The following LRGUK variants were observed in gnomAD, a reference collection of about 807,000 sequenced individuals.
LRGUK encodes leucine rich repeats and guanylate kinase domain containing, also known as leucine-rich repeat and guanylate kinase domain-containing protein.
A neutral mutation model predicts 76.0 loss-of-function variants in LRGUK; 65 were observed. The observed-to-expected ratio is 0.85, with a 90% CI of 0.70 to 1.05. The LOEUF is 1.05. LRGUK is among the 50% of genes least tolerant of loss of function. LRGUK has a pLI of 0.00. For missense variants in LRGUK, 758 were observed against 732.8 expected (o/e 1.03, Z -0.40); for synonymous variants, 268 against 265.6 (o/e 1.01, Z -0.09).
At chr7:134,131,934 A>G (rs1054878419) in intron 1 of LRGUK, among the ~76,000 whole-genome samples, 2 of 152,206 alleles carry the variant, frequency 1.3e-5, no homozygotes, top group African/African-American at 2.4e-5. Flanking sequence ...CCATAAAGGT[A>G]CAGATACCAA....
rs765422772 is a variant in LRGUK, at chr7:134,258,340, A to T, written c.2282A>T (p.Glu761Val). ...AAAGAATTGCCTTTCCAGCCTCCGGAGGGGAGCATTTCTTCACACCTAGGA... is the reference window on the plus strand; with the variant it reads ...AAAGAATTGCCTTTCCAGCCTCCGGTGGGGAGCATTTCTTCACACCTAGGA... The change falls in exon 19 of 20, where the codon GAG (glutamate) becomes GTG (valine). Residue 761 changes from glutamate to valine, a missense_variant. Transcript: ENST00000285928. The T allele has an allele frequency of 2.6e-5, 42 of 1,613,964 alleles. No individual in the cohort carries two copies. In the South Asian group the frequency reaches 4.6e-4, roughly 18 times the overall value.
At position 134,256,007 on chromosome 7, in the gene LRGUK, C is replaced by G. The variant is rs548976660; in HGVS notation, c.2199-2250C>G. Among the ~76,000 whole-genome samples, 34 of 152,222 alleles carry G rather than the reference C, an allele frequency of 2.2e-4. No homozygotes were observed. The Middle Eastern group carries it at 0.017, about 77-fold the overall frequency. Reference sequence around the variant, plus strand: ...ATCCAGAAACATGGGCCAAAACAAGCCCCCTGTCGCCTGTGTCAAAAGAGA... The same window carrying G: ...ATCCAGAAACATGGGCCAAAACAAGGCCCCTGTCGCCTGTGTCAAAAGAGA... On this transcript the variant is annotated intron_variant, in intron 18 of 19. Transcript: ENST00000285928.
At chr7:134,205,606 A>T in intron 15 of LRGUK, among the ~76,000 whole-genome samples, 1 of 152,248 alleles carries the variant, frequency 6.6e-6, no homozygotes, top group East Asian at 1.9e-4. Flanking sequence ...AAAGGAAGAA[A>T]TTGAAATAAA....
chr7:134,155,591 T>C (rs923965960), intron 5 of LRGUK, among the ~76,000 whole-genome samples: 27 of 152,182 alleles, frequency 1.8e-4, no homozygotes, highest in African/African-American at 5.8e-4. Flanking sequence ...CAGCCTTGAA[T>C]TTTCCATTTC....
At chr7:134,202,294 G>A (rs980758195) in intron 15 of LRGUK, among the ~76,000 whole-genome samples, 2 of 149,404 alleles carry the variant, frequency 1.3e-5, no homozygotes, top group Non-Finnish European at 3.0e-5. Context: ...ACAACTATTA[G>A]GATGGCTACT....
intron 3 of LRGUK, among the ~76,000 whole-genome samples, chr7:134,142,854 T>C (rs899686953): frequency 1.3e-5 from 2 of 152,230 alleles, no homozygotes; most frequent in African/African-American, 4.8e-5. Context: ...GGGAAGAGGA[T>C]TAAATTATTG....
chr7:134,267,231 C>T (rs181713100), downstream of LRGUK, among the ~76,000 whole-genome samples: 277 of 152,264 alleles, frequency 1.8e-3, 2 homozygotes, highest in African/African-American at 5.1e-3. Context: ...TGGACTACTA[C>T]GCAGCCATAA....
intron 7 of LRGUK, among the ~76,000 whole-genome samples, chr7:134,172,280 G>A (rs967063944): frequency 6.6e-6 from 1 of 152,034 alleles, no homozygotes; most frequent in Non-Finnish European, 1.5e-5. Flanking sequence ...TACTGATAAT[G>A]TTAGACTGAA....
chr7:134,172,951 C>A (rs1252172052), intron 7 of LRGUK, among the ~76,000 whole-genome samples: 1 of 151,970 alleles, frequency 6.6e-6, no homozygotes, highest in African/African-American at 2.4e-5. Flanking sequence ...CATACTACTG[C>A]ACCCCAGCAT....
intron 6 of LRGUK, 71 bp from the exon 7 acceptor site, chr7:134,163,326 A>G (rs146593955): frequency 3.5e-6 from 5 of 1,424,138 alleles, no homozygotes; most frequent in Admixed American, 2.0e-5. Flanking sequence ...AGTATCCCAA[A>G]TGAAAACTTG....
intron 15 of LRGUK, among the ~76,000 whole-genome samples, chr7:134,217,384 T>C (rs1412442865): frequency 1.3e-5 from 2 of 152,216 alleles, no homozygotes; most frequent in Non-Finnish European, 2.9e-5. Context: ...AATAACTAAT[T>C]ATTCCTTTGA....
At chr7:134,272,954 G>T in the LRGUK span, among the ~76,000 whole-genome samples, 7 of 152,024 alleles carry the variant, frequency 4.6e-5, no homozygotes, top group Non-Finnish European at 1.0e-4. Flanking sequence ...CCAACTTCAG[G>T]GGGTTGTGGG....
intron 15 of LRGUK, among the ~76,000 whole-genome samples, chr7:134,215,631 C>G (rs1311993978): frequency 6.6e-6 from 1 of 152,048 alleles, no homozygotes; most frequent in Non-Finnish European, 1.5e-5. Context: ...TGAGAACAAT[C>G]TTGATCAGCT....
downstream of LRGUK, among the ~76,000 whole-genome samples, chr7:134,266,741 A>T (rs1016424474): frequency 2.5e-4 from 38 of 152,172 alleles, no homozygotes; most frequent in South Asian, 6.2e-4. Flanking sequence ...ATTTTTTTTA[A>T]AAATGACCCG....
At chr7:134,130,380 A>C (rs983816797) in intron 1 of LRGUK, among the ~76,000 whole-genome samples, 5 of 151,956 alleles carry the variant, frequency 3.3e-5, no homozygotes, top group Non-Finnish European at 7.4e-5. Flanking sequence ...GTTCATTAGC[A>C]CCATTGTTAA....
chr7:134,160,428 A>G (rs1418761181), intron 6 of LRGUK, among the ~76,000 whole-genome samples: 3 of 152,206 alleles, frequency 2.0e-5, no homozygotes, highest in Non-Finnish European at 2.9e-5. Flanking sequence ...TTGATAATAG[A>G]AAGGTTTTCT....
At chr7:134,258,063 T>A (rs1175714876) in intron 18 of LRGUK, among the ~76,000 whole-genome samples, 194 bp from the exon 19 acceptor site, 1 of 152,196 alleles carries the variant, frequency 6.6e-6, no homozygotes, top group Non-Finnish European at 1.5e-5. Flanking sequence ...GTACCTATTA[T>A]ACTTTAAGAG....
At position 134,177,071 on chromosome 7, in the gene LRGUK, A is replaced by T. The variant is rs1563163389; in HGVS notation, c.1107+8A>T. On this transcript the variant is annotated splice_region_variant and intron_variant, in intron 9 of 15. Coordinates refer to ENST00000645682, the Ensembl canonical transcript of LRGUK. The stretch of plus-strand genomic sequence containing the variant: ...ATTAAAGTGGAAGAAAAGGTATGTA[A>T]TCATGTCATAACATTACCATTGTGT... The T allele has an allele frequency of 6.4e-7, 1 of 1,551,156 alleles. No homozygotes were observed.
chr7:134,184,990 G>C (rs140026627), intron 11 of LRGUK, among the ~76,000 whole-genome samples: 9 of 152,206 alleles, frequency 5.9e-5, no homozygotes, highest in Non-Finnish European at 1.0e-4. Context: ...ATGTGCCAAC[G>C]GCACTGGAGC....
Sources: allele counts gnomAD v4.1 joint callset (sites outside exome capture counted in the v4.1 genomes callset), GRCh38; gene constraint gnomAD v4.1.1; transcripts MANE v1.5; gene names NCBI Gene and HGNC (gene_info 2026-07-23, HGNC 2026-07-21).